Variants in STRN3 observed in about 807,000 individuals in gnomAD.
The protein encoded by STRN3 is striatin 3.
A neutral mutation model predicts 95.6 loss-of-function variants in STRN3; 29 were observed. The ratio of observed to expected loss-of-function variants is 0.30; its 90% CI spans 0.23 to 0.41. The LOEUF (loss-of-function observed/expected upper bound fraction) is 0.41, where lower values mean the gene tolerates loss of function less well. Ranked by LOEUF, STRN3 falls within the 10% of genes least tolerant of loss-of-function variation. The probability of loss-of-function intolerance (pLI) is 1.00; values close to 1 mark genes in which losing one functional copy is unlikely to be tolerated. For missense variants in STRN3, 890 were observed against 972.1 expected, an observed-to-expected ratio of 0.92 and a Z score of 1.12; for synonymous variants, 331 against 357.6, an observed-to-expected ratio of 0.93 and a Z score of 0.84.
chr14:30,917,306 A>T (rs1896764567), intron 9 of STRN3, among the ~76,000 whole-genome samples: 1 of 152,172 alleles, frequency 6.6e-6, no homozygotes, highest in African/African-American at 2.4e-5. Flanking sequence ...CACACATAAC[A>T]CATAAACAAA....
intron 1 of STRN3, among the ~76,000 whole-genome samples, chr14:31,011,069 A>C (rs2139320131): frequency 6.6e-6 from 1 of 152,290 alleles, no homozygotes; most frequent in Non-Finnish European, 1.5e-5. Flanking sequence ...AATTGAAGTG[A>C]TTTCTCTGAT....
chr14:30,958,833 T>C (rs749258557), intron 1 of STRN3, among the ~76,000 whole-genome samples: 7 of 152,218 alleles, frequency 4.6e-5, no homozygotes, highest in Non-Finnish European at 7.3e-5. Flanking sequence ...GTTGTGAGAA[T>C]TGGTTTTCAT....
At chr14:30,907,511 T>C (rs989097571) in intron 13 of STRN3, among the ~76,000 whole-genome samples, 2 of 152,204 alleles carry the variant, frequency 1.3e-5, no homozygotes, top group African/African-American at 2.4e-5. Context: ...TCTGTCTCTA[T>C]AGATGTGTCT....
At chr14:31,014,887 G>A (rs751405590) in intron 1 of STRN3, 30 of 377,156 alleles carry the variant, frequency 8.0e-5, no homozygotes, top group Non-Finnish European at 1.4e-4. Flanking sequence ...AAGTACAATG[G>A]TGCAATCTTT....
chr14:31,001,634 C>T (rs935691392), intron 1 of STRN3, among the ~76,000 whole-genome samples: 2 of 152,084 alleles, frequency 1.3e-5, no homozygotes, highest in Admixed American at 1.3e-4. Context: ...AAGTAAAACT[C>T]GGTCGTACCA....
intron 7 of STRN3, among the ~76,000 whole-genome samples, chr14:30,929,966 A>AAAAAAAAAAAAAAAAAAAAAAAAAAAC (rs1555317368): frequency 1.8e-5 from 2 of 108,282 alleles, no homozygotes; most frequent in African/African-American, 4.1e-5. Flanking sequence ...AAAAAAAAAA[A>AAAAAAAAAAAAAAAAAAAAAAAAAAAC]AAAAAAAAAA....
Position 30,905,501 on chromosome 14 carries a change from G to T in STRN3, c.1946C>A (p.Thr649Asn). The change falls in exon 15 of 18, where the codon ACC becomes AAC. Residue 649 changes from threonine to asparagine, a missense_variant. By Grantham distance (65) the Thr-to-Asn change is moderately conservative. This residue lies in a region of STRN3 where 357 missense variants were observed against 422.8 expected (regional missense o/e 0.84). Transcript: ENST00000357479. ...FIGCDPAHMV[T>N]SFNTGSAVIY... ...TACTGCACTACCAGTGTTGAAAGAG[G>T]TTACCATATGAGCTGGATCACAGCC... 2 of 1,609,894 alleles carry T rather than the reference G, an allele frequency of 1.2e-6. No homozygotes were observed. Among genetic ancestry groups the T allele is most frequent in the East Asian group, 2.2e-5 (1 of 44,670 alleles).
chr14:30,949,834 C>A (rs1299042626), intron 4 of STRN3, among the ~76,000 whole-genome samples: 1 of 151,982 alleles, frequency 6.6e-6, no homozygotes, highest in Non-Finnish European at 1.5e-5. Flanking sequence ...CCACTGAGGA[C>A]AATGGAAGCA....
At chr14:30,969,741 T>C (rs7154042) in intron 1 of STRN3, among the ~76,000 whole-genome samples, 96,638 of 151,990 alleles carry the variant, frequency 0.64, 31,711 homozygotes, top group Non-Finnish European at 0.73. Flanking sequence ...GTCAATTTCT[T>C]AGAAATTATA....
intron 4 of STRN3, 46 bp from the exon 5 acceptor site, chr14:30,947,309 G>A (rs2139114698): frequency 1.4e-6 from 2 of 1,429,918 alleles, no homozygotes; most frequent in Non-Finnish European, 1.9e-6. Flanking sequence ...GTTAACATGT[G>A]CCAGACTCAA....
At chr14:30,976,715 G>C (rs962263212) in intron 1 of STRN3, among the ~76,000 whole-genome samples, 6 of 152,216 alleles carry the variant, frequency 3.9e-5, no homozygotes, top group Admixed American at 1.3e-4. Flanking sequence ...GTAACAGAAA[G>C]ACAATTAGAA....
chr14:30,949,490 A>G (rs1594481859), intron 4 of STRN3, among the ~76,000 whole-genome samples: 1 of 152,264 alleles, frequency 6.6e-6, no homozygotes, highest in Non-Finnish European at 1.5e-5. Context: ...ATGCACCTGT[A>G]GTCCCAGCTA....
At chr14:30,926,424 T>A (rs1240210605) in intron 8 of STRN3, among the ~76,000 whole-genome samples, 1 of 152,038 alleles carries the variant, frequency 6.6e-6, no homozygotes, top group Non-Finnish European at 1.5e-5. Flanking sequence ...AAGGAGGTTT[T>A]ACGTATAAAG....
chr14:30,895,072 A>AAAAAAAAAGAAGAAGAAGAAGAG lies in STRN3; in HGVS notation c.*338_*339insCTCTTCTTCTTCTTCTTTTTTTT. 1 of 219,670 alleles carries AAAAAAAAAGAAGAAGAAGAAGAG rather than the reference A, an allele frequency of 4.6e-6. No homozygotes were observed. Among genetic ancestry groups the AAAAAAAAAGAAGAAGAAGAAGAG allele is most frequent in the Non-Finnish European group, 8.1e-6 (1 of 123,326 alleles). The allele number at this position is 219,670 out of a possible 1,614,324, so 13.6% of individuals were successfully genotyped here. A position where few individuals can be genotyped will look rare whatever the true frequency, so the allele number is the denominator to read the frequency against. Reference sequence around the variant, plus strand: ...AGAGTCCAAAAAAAAAAAAAAAAAAAAAAAAAAGAAGAAGAAGAAGAGAAA... The same window carrying AAAAAAAAAGAAGAAGAAGAAGAG: ...AGAGTCCAAAAAAAAAAAAAAAAAAAAAAAAAAAGAAGAAGAAGAAGAGAAAAAAAGAAGAAGAAGAAGAGAAA... On this transcript the variant is annotated 3_prime_UTR_variant, in exon 18 of 18. Coordinates refer to ENST00000357479, the MANE Select transcript of STRN3 (RefSeq NM_001083893.2).
At chr14:30,927,248 G>C (rs146564603) in intron 8 of STRN3, among the ~76,000 whole-genome samples, 2 of 152,116 alleles carry the variant, frequency 1.3e-5, no homozygotes. Context: ...AGGAGAGTTT[G>C]AGGCTACAGT....
intron 1 of STRN3, among the ~76,000 whole-genome samples, chr14:30,967,388 A>G (rs1233266037): frequency 6.6e-6 from 1 of 152,200 alleles, no homozygotes; most frequent in Non-Finnish European, 1.5e-5. Flanking sequence ...TAGTAGTAGT[A>G]AAGAGAAAAA....
At chr14:30,979,622 T>A (rs1273979482) in intron 1 of STRN3, among the ~76,000 whole-genome samples, 2 of 152,106 alleles carry the variant, frequency 1.3e-5, no homozygotes, top group Non-Finnish European at 2.9e-5. Context: ...ATTTTTGAGA[T>A]AGAGTCTCGC....
At chr14:30,915,094 CTT>C (rs960363742) in intron 9 of STRN3, among the ~76,000 whole-genome samples, 2 of 152,036 alleles carry the variant, frequency 1.3e-5, no homozygotes, top group African/African-American at 4.8e-5. Flanking sequence ...TCAAAACACA[CTT>C]AAAATTCATG....
At chr14:30,900,444 G>C (rs952928369) in intron 16 of STRN3, among the ~76,000 whole-genome samples, 3 of 81,750 alleles carry the variant, frequency 3.7e-5, no homozygotes, top group African/African-American at 1.2e-4. Flanking sequence ...GGTGTGGGGC[G>C]GGGGGGGGCG....
Sources: allele counts gnomAD v4.1 joint callset (sites outside exome capture counted in the v4.1 genomes callset), GRCh38; gene constraint gnomAD v4.1.1; regional missense constraint gnomAD v4.1.1; transcripts MANE v1.5; gene names NCBI Gene and HGNC (gene_info 2026-07-23, HGNC 2026-07-21).